The following MGAT5 variants were observed in gnomAD, a reference collection of about 807,000 sequenced individuals.
MGAT5 encodes alpha-1,6-mannosylglycoprotein 6-beta-N-acetylglucosaminyltransferase, also known as alpha-1,6-mannosylglycoprotein 6-beta-N-acetylglucosaminyltransferase A.
MGAT5 carries 30 observed loss-of-function variants against 94.3 expected under a neutral mutation model. The ratio of observed to expected loss-of-function variants is 0.32; its 90% CI spans 0.24 to 0.43. The LOEUF is 0.43. Ranked by LOEUF, MGAT5 falls within the 20% of genes least tolerant of loss-of-function variation. The pLI, the probability that MGAT5 is intolerant of heterozygous loss-of-function variation, is 1.00. For synonymous variants in MGAT5, 310 were observed against 322.9 expected (o/e 0.96, Z 0.43); for missense variants, 691 against 905.5 (o/e 0.76, Z 3.04).
chr2:134,241,697 A>G (rs1269899221), intron 1 of MGAT5, among the ~76,000 whole-genome samples: 5 of 152,210 alleles, frequency 3.3e-5, no homozygotes, highest in African/African-American at 4.8e-5. Context: ...TTAATATCCT[A>G]TCTTTCTCAT....
At chr2:134,435,590 T>C (rs1444988960) in intron 14 of MGAT5, among the ~76,000 whole-genome samples, 2 of 152,204 alleles carry the variant, frequency 1.3e-5, no homozygotes, top group African/African-American at 2.4e-5. Flanking sequence ...CTCTGGTTCA[T>C]CATCCTTTCC....
intron 1 of MGAT5, among the ~76,000 whole-genome samples, chr2:134,169,697 T>A (rs1688118616): frequency 6.6e-6 from 1 of 152,174 alleles, no homozygotes; most frequent in Non-Finnish European, 1.5e-5. Context: ...GAAATGTCTA[T>A]AAATTTCTAT....
intron 1 of MGAT5, among the ~76,000 whole-genome samples, chr2:134,133,967 A>G (rs969443843): frequency 2.0e-5 from 3 of 152,194 alleles, no homozygotes; most frequent in South Asian, 2.1e-4. Flanking sequence ...GATCCTGTCT[A>G]TAGGAACAAT....
At chr2:134,402,939 T>C (rs1191236483) in intron 10 of MGAT5, 49 bp from the exon 11 acceptor site, 7 of 1,536,318 alleles carry the variant, frequency 4.6e-6, no homozygotes, top group Middle Eastern at 1.7e-4. Context: ...CAGGTTGTTA[T>C]GCAAATGAAA....
At chr2:134,151,113 G>A (rs1215093410) in intron 1 of MGAT5, among the ~76,000 whole-genome samples, 1 of 152,098 alleles carries the variant, frequency 6.6e-6, no homozygotes, top group African/African-American at 2.4e-5. Context: ...AGCCCATAGA[G>A]GTGAGTGAGT....
intron 4 of MGAT5, among the ~76,000 whole-genome samples, chr2:134,320,654 A>T (rs556402827): frequency 6.6e-6 from 1 of 152,134 alleles, no homozygotes; most frequent in East Asian, 1.9e-4. Flanking sequence ...TTTGACCAAT[A>T]ATAACAGCTG....
At chr2:134,447,328 G>A (rs78104063) in intron 15 of MGAT5, among the ~76,000 whole-genome samples, 13 of 152,356 alleles carry the variant, frequency 8.5e-5, no homozygotes, top group East Asian at 5.8e-4. Flanking sequence ...TAGCCCATCC[G>A]ATGTCTGCCA....
chr2:134,207,745 A>G (rs1177202639), intron 1 of MGAT5, among the ~76,000 whole-genome samples: 2 of 152,168 alleles, frequency 1.3e-5, no homozygotes, highest in East Asian at 1.9e-4. Flanking sequence ...ACCAGGTTGC[A>G]GTGATATGTA....
chr2:134,198,678 T>G (rs138603723), intron 1 of MGAT5, among the ~76,000 whole-genome samples: 4 of 152,206 alleles, frequency 2.6e-5, no homozygotes, highest in South Asian at 2.1e-4. Context: ...TATATTGTAG[T>G]GGATCAAGTA....
chr2:134,257,473 C>T (rs1326460271), intron 1 of MGAT5, among the ~76,000 whole-genome samples: 1 of 152,190 alleles, frequency 6.6e-6, no homozygotes, highest in African/African-American at 2.4e-5. Context: ...CTGCCCGCCT[C>T]AGCCTCCCAA....
intron 1 of MGAT5, among the ~76,000 whole-genome samples, chr2:134,235,434 G>A (rs1431768099): frequency 1.3e-5 from 2 of 152,164 alleles, no homozygotes; most frequent in African/African-American, 2.4e-5. Flanking sequence ...GTGATACCCA[G>A]TGAGGGTTGA....
chr2:134,392,987 TGCTGGGTAGA>T lies in MGAT5; in HGVS notation c.1381-9997_1381-9988del, dbSNP rs138914164. 9.8e-3 allele frequency among the ~76,000 whole-genome samples: 1,494 copies of T among 152,320 alleles called. 20 individuals are homozygous for T. Among genetic ancestry groups the T allele is most frequent in the African/African-American group, 0.035 (1,439 of 41,566 alleles). On this transcript the variant is annotated intron_variant, in intron 10 of 15. Coordinates refer to ENST00000281923, the MANE Select transcript of MGAT5 (RefSeq NM_002410.5). ...GTCCCCAATCTCAGCCATAACTAAG[TGCTGGGTAGA>T]GCTCTTTCAGATGCATGAGCCTTGG... is the stretch of plus-strand genomic sequence containing the variant.
At chr2:134,150,217 C>T (rs1687108479) in intron 1 of MGAT5, among the ~76,000 whole-genome samples, 1 of 152,182 alleles carries the variant, frequency 6.6e-6, no homozygotes, top group African/African-American at 2.4e-5. Flanking sequence ...TCCCTGGCCT[C>T]CTAGCGTCTT....
intron 2 of MGAT5, among the ~76,000 whole-genome samples, chr2:134,316,569 A>AT (rs1323372487): frequency 6.6e-6 from 1 of 152,002 alleles, no homozygotes; most frequent in Non-Finnish European, 1.5e-5. Flanking sequence ...GCTTCATTTA[A>AT]TTTTTTTTAA....
In MGAT5 at chr2:134,268,328, T is replaced by C. The variant is rs1010487043; in HGVS notation, c.242-2058T>C. 3.3e-5 allele frequency among the ~76,000 whole-genome samples: 5 copies of C among 152,206 alleles called. No individual in the cohort carries two copies. The highest frequency in any genetic ancestry group is 7.3e-5 in the Non-Finnish European group (5 of 68,036). ...GGCAAAGAGGCTGAAATGGGGGAGA[T>C]TGATCTTTTATATCTGAAGAGTATT... On this transcript the variant is annotated intron_variant, in intron 1 of 15. Coordinates refer to ENST00000281923, the MANE Select transcript of MGAT5 (RefSeq NM_002410.5). The surrounding 1 kb of genome is among the most constrained non-coding windows in gnomAD (Gnocchi z 4.1).
intron 1 of MGAT5, among the ~76,000 whole-genome samples, chr2:134,234,980 A>G (rs1205018463): frequency 1.2e-5 from 1 of 85,906 alleles, no homozygotes; most frequent in Admixed American, 1.1e-4. Flanking sequence ...TTTTATTTGG[A>G]CCACCAGAAT....
chr2:134,141,740 A>G (rs1156915291), intron 1 of MGAT5, among the ~76,000 whole-genome samples: 2 of 152,212 alleles, frequency 1.3e-5, no homozygotes, highest in African/African-American at 2.4e-5. Context: ...TGGGAAAGAC[A>G]TTGCCAGCAG....
intron 2 of MGAT5, among the ~76,000 whole-genome samples, chr2:134,304,018 G>A (rs1686184014): frequency 6.6e-6 from 1 of 152,036 alleles, no homozygotes; most frequent in African/African-American, 2.4e-5. Flanking sequence ...AGTGTTATCT[G>A]TGGGAAGATT....
intron 2 of MGAT5, among the ~76,000 whole-genome samples, chr2:134,299,928 C>T (rs1024084015): frequency 2.0e-5 from 3 of 152,138 alleles, no homozygotes; most frequent in African/African-American, 7.2e-5. Flanking sequence ...TTGAATATAA[C>T]TCTCTGAATA....
Sources: allele counts gnomAD v4.1 joint callset (sites outside exome capture counted in the v4.1 genomes callset), GRCh38; gene constraint gnomAD v4.1.1; non-coding constraint Gnocchi (gnomAD v3.1); transcripts MANE v1.5; gene names NCBI Gene and HGNC (gene_info 2026-07-23, HGNC 2026-07-21).